SPP2: variants seen among roughly 807,000 people sequenced by gnomAD.
SPP2 encodes secreted phosphoprotein 2, also known as secreted phosphoprotein 24.
SPP2 carries 34 observed loss-of-function variants against 28.8 expected under a neutral mutation model. The ratio of observed to expected loss-of-function variants is 1.18; its 90% CI spans 0.90 to 1.57. SPP2 has a LOEUF of 1.57. SPP2 is among the 40% of genes most tolerant of loss of function. The pLI, the probability that SPP2 is intolerant of heterozygous loss-of-function variation, is 0.00. For synonymous variants in SPP2, 96 were observed against 89.4 expected, an observed-to-expected ratio of 1.07 and a Z score of -0.42; for missense variants, 269 against 263.9, an observed-to-expected ratio of 1.02 and a Z score of -0.13.
chr2:234,076,354 C>T (rs531729230), intron 7 of SPP2, among the ~76,000 whole-genome samples: 8 of 152,224 alleles, frequency 5.3e-5, no homozygotes, highest in East Asian at 3.9e-4. Flanking sequence ...TCTTATCCTC[C>T]GAGTTCAGCT....
At chr2:234,072,682 T>C (rs1395128838) in intron 7 of SPP2, among the ~76,000 whole-genome samples, 2 of 152,118 alleles carry the variant, frequency 1.3e-5, no homozygotes, top group Non-Finnish European at 2.9e-5. Flanking sequence ...CTGTGCTGGG[T>C]TCCCTGAAAT....
chr2:234,050,766 C>A lies in SPP2; in HGVS notation c.-21C>A, dbSNP rs753704680. ...ATCCCCAAACACATAGAGAGACACTCTCTGTCTCTCGATTACAATCATGAT... is the reference window on the plus strand; with the variant it reads ...ATCCCCAAACACATAGAGAGACACTATCTGTCTCTCGATTACAATCATGAT... On this transcript the variant is annotated 5_prime_UTR_variant, in exon 1 of 8. Transcript: ENST00000168148. 7.6e-5 allele frequency: 120 copies of A among 1,586,342 alleles called. No individual in the cohort carries two copies. The highest frequency in any genetic ancestry group is 1.0e-4 in the Non-Finnish European group (116 of 1,154,826).
intron 7 of SPP2, 81 bp from the exon 8 acceptor site, chr2:234,076,764 C>T (rs112649535): frequency 0.011 from 1,623 of 152,404 alleles, 27 homozygotes; most frequent in Non-Finnish European, 0.017. Context: ...TTTGATTCTT[C>T]CCTTTATGAG....
Position 234,069,828 on chromosome 2 carries a change from CTT to C in SPP2, c.551-99_551-98del, listed in dbSNP as rs577613353. ...TCATGGCAGATGGGTTCAGGTTATG[CTT>C]GTCACAATCCTCCTCATTAATTTGT... On this transcript the variant is annotated intron_variant, in intron 6 of 7. Transcript: ENST00000168148. 9.0e-4 allele frequency: 855 copies of C among 947,538 alleles called. 6 individuals are homozygous for C. In the African/African-American group the frequency reaches 0.013, roughly 14 times the overall value. The allele number at this position is 947,538 out of a possible 1,614,324, so 58.7% of individuals were successfully genotyped here. A position where few individuals can be genotyped will look rare whatever the true frequency, so the allele number is the denominator to read the frequency against.
At chr2:234,059,179 C>G (rs907661320) in intron 3 of SPP2, among the ~76,000 whole-genome samples, 2 of 152,144 alleles carry the variant, frequency 1.3e-5, no homozygotes, top group South Asian at 4.1e-4. Flanking sequence ...ATTACTTTAT[C>G]CCTGGTGCCT....
At chr2:234,070,210 T>C (rs1305444045) in intron 7 of SPP2, among the ~76,000 whole-genome samples, 187 bp downstream of exon 7, 1 of 152,218 alleles carries the variant, frequency 6.6e-6, no homozygotes, top group Non-Finnish European at 1.5e-5. Context: ...TCAATCTTTT[T>C]CCCATGACAT....
intron 2 of SPP2, among the ~76,000 whole-genome samples, chr2:234,052,893 T>C (rs1444986043): frequency 6.6e-6 from 1 of 152,226 alleles, no homozygotes; most frequent in African/African-American, 2.4e-5. Context: ...TTATGTTGTG[T>C]GTATTAACCA....
intron 2 of SPP2, among the ~76,000 whole-genome samples, chr2:234,053,015 A>G (rs1693530645): frequency 6.6e-6 from 1 of 152,248 alleles, no homozygotes; most frequent in Non-Finnish European, 1.5e-5. Context: ...TTGAGTGAAT[A>G]GATCACTAGC....
chr2:234,070,038 G>A lies in SPP2; in HGVS notation c.*10+15G>A. 1 of 1,591,920 alleles carries A rather than the reference G, an allele frequency of 6.3e-7. No homozygotes were observed. Among genetic ancestry groups the A allele is most frequent in the Non-Finnish European group, 8.6e-7 (1 of 1,160,532 alleles). ...ACGGCCTTGAGGTAAGAAAATGCAG[G>A]TGCACACAAGTGTATTTAGAAATAG... On this transcript the variant is annotated intron_variant, in intron 7 of 7. Transcript: ENST00000168148.
chr2:234,069,980 G>C lies in SPP2; in HGVS notation c.603G>C (p.Arg201=). The change falls in exon 7 of 8, where the codon CGG becomes CGC. Residue 201 remains arginine (R), a synonymous_variant. Coordinates refer to ENST00000168148, the MANE Select transcript of SPP2 (RefSeq NM_006944.3). Reference sequence around the variant, plus strand: ...GAAACAGAAGGTACCCAAACCACCGGCACAGAGCAAGAATAAATACTGACT... The same window carrying C: ...GAAACAGAAGGTACCCAAACCACCGCCACAGAGCAAGAATAAATACTGACT... ...PPGNRRYPNH[R]HRARINTDFE is the part of the protein sequence containing the mutation. 6.2e-7 allele frequency: 1 copy of C among 1,613,454 alleles called. No individual in the cohort carries two copies. The highest frequency in any genetic ancestry group is 8.5e-7 in the Non-Finnish European group (1 of 1,179,550).
chr2:234,069,192 A>AGAG (rs1693885712), intron 6 of SPP2, among the ~76,000 whole-genome samples: 3 of 149,678 alleles, frequency 2.0e-5, no homozygotes, highest in Admixed American at 6.7e-5. Flanking sequence ...ATTTGAGAGA[A>AGAG]AGAGAGAGAG....
intron 7 of SPP2, among the ~76,000 whole-genome samples, chr2:234,071,890 CCA>C (rs1410554662): frequency 6.6e-6 from 1 of 152,196 alleles, no homozygotes; most frequent in Admixed American, 6.5e-5. Context: ...CCACAAACCA[CCA>C]CCACTGAATC....
chr2:234,058,850 T>C lies in SPP2; in HGVS notation c.225T>C (p.Asp75=), dbSNP rs775634207. 4 of 1,613,394 alleles carry C rather than the reference T, an allele frequency of 2.5e-6. No individual in the cohort carries two copies. Among genetic ancestry groups the C allele is most frequent in the Non-Finnish European group, 3.4e-6 (4 of 1,179,580 alleles). The change falls in exon 3 of 8, where the codon GAT becomes GAC. Residue 75 remains aspartate, a synonymous_variant. Transcript: ENST00000168148. ...TTTTTGTGAAGGTTGAGGTCCTAGA[T>C]GAGAACAACTTGGTCATGAATTTAG... The part of the protein sequence containing the change: ...RSSLKRVEVL[D]ENNLVMNLEF...
intron 2 of SPP2, among the ~76,000 whole-genome samples, chr2:234,052,832 T>G (rs1693525610): frequency 1.3e-5 from 2 of 152,228 alleles, no homozygotes; most frequent in African/African-American, 4.8e-5. Context: ...TCTCTTCCTT[T>G]GATCTCTCCT....
chr2:234,057,195 G>A (rs1238962662), intron 2 of SPP2, among the ~76,000 whole-genome samples: 1 of 152,074 alleles, frequency 6.6e-6, no homozygotes, highest in African/African-American at 2.4e-5. Context: ...GGTGATTCAC[G>A]TGCTGCTCTT....
chr2:234,059,312 T>C (rs542305157), intron 3 of SPP2, among the ~76,000 whole-genome samples: 90 of 152,332 alleles, frequency 5.9e-4, no homozygotes, highest in Non-Finnish European at 5.9e-4. Flanking sequence ...TGACTCTTCC[T>C]GGCACATGTC....
chr2:234,054,646 C>G (rs1693569900), intron 2 of SPP2, among the ~76,000 whole-genome samples: 1 of 152,144 alleles, frequency 6.6e-6, no homozygotes, highest in Admixed American at 6.5e-5. Context: ...AAGTGCTCTA[C>G]CTTGAAGACC....
At chr2:234,060,576 C>A in intron 4 of SPP2, 97 bp downstream of exon 4, 1 of 956,674 alleles carries the variant, frequency 1.0e-6, no homozygotes, top group Non-Finnish European at 1.6e-6. Context: ...TGGATCATCA[C>A]CTGGGCTTGG....
chr2:234,071,705 T>G lies in SPP2; in HGVS notation c.*10+1682T>G, dbSNP rs531920900. ...CCAGTGTAGCTCACAATGGCTTTCA[T>G]GACCTGGGTCTGCCCACATCTCCAG... On this transcript the variant is annotated intron_variant, in intron 7 of 7. Coordinates refer to ENST00000168148, the MANE Select transcript of SPP2 (RefSeq NM_006944.3). 2.6e-5 allele frequency among the ~76,000 whole-genome samples: 4 copies of G among 152,308 alleles called. No homozygotes were observed. In the East Asian group the frequency reaches 5.8e-4, roughly 22 times the overall value.
Sources: gnomAD v4.1 joint callset for allele counts (sites outside exome capture counted in the v4.1 genomes callset) on GRCh38, gnomAD v4.1.1 for gene constraint, MANE v1.5 for transcripts, NCBI Gene and HGNC (gene_info 2026-07-23, HGNC 2026-07-21) for gene names.